The following SLC24A2 variants were observed in gnomAD, a reference collection of about 807,000 sequenced individuals.
SLC24A2 encodes the protein solute carrier family 24 member 2.
SLC24A2 carries 36 observed loss-of-function variants against 62.0 expected under a neutral mutation model. The ratio of observed to expected loss-of-function variants is 0.58; its 90% CI spans 0.44 to 0.77. SLC24A2 has a LOEUF of 0.77. SLC24A2 is among the 30% of genes least tolerant of loss of function. The pLI is 0.00. For synonymous variants in SLC24A2, 358 were observed against 294.0 expected, an observed-to-expected ratio of 1.22 and a Z score of -2.23; for missense variants, 846 against 817.9, an observed-to-expected ratio of 1.03 and a Z score of -0.42.
At chr9:20,305,737 C>T in the SLC24A2 span, among the ~76,000 whole-genome samples, 1 of 152,190 alleles carries the variant, frequency 6.6e-6, no homozygotes, top group African/African-American at 2.4e-5. Context: ...AGATGTCAAG[C>T]AATTAACCAA....
At chr9:20,056,218 C>T in the SLC24A2 span, among the ~76,000 whole-genome samples, 1 of 152,036 alleles carries the variant, frequency 6.6e-6, no homozygotes, top group African/African-American at 2.4e-5. Flanking sequence ...AAATTGAGCA[C>T]TGTGTGTGTG....
At chr9:20,233,912 G>T in the SLC24A2 span, among the ~76,000 whole-genome samples, 3 of 152,226 alleles carry the variant, frequency 2.0e-5, no homozygotes, top group East Asian at 3.9e-4. Context: ...GCTCTTTTAG[G>T]GCAGGCCTGG....
At chr9:19,533,558 T>C (rs1162789260) in intron 8 of SLC24A2, among the ~76,000 whole-genome samples, 2 of 152,230 alleles carry the variant, frequency 1.3e-5, no homozygotes, top group African/African-American at 4.8e-5. Flanking sequence ...CTCGGCACTT[T>C]GCCATTATGT....
chr9:19,598,632 A>C (rs1836767110), intron 4 of SLC24A2, among the ~76,000 whole-genome samples: 1 of 151,882 alleles, frequency 6.6e-6, no homozygotes, highest in Admixed American at 6.6e-5. Flanking sequence ...TTTTTTCATG[A>C]CTTCTGGGGA....
intron 2 of SLC24A2, among the ~76,000 whole-genome samples, chr9:19,708,921 T>G: frequency 6.6e-6 from 1 of 151,946 alleles, no homozygotes; most frequent in East Asian, 1.9e-4. Context: ...CTAATTAAAC[T>G]AAAGAGCTTC....
At chr9:19,630,683 A>G (rs1421279412) in intron 2 of SLC24A2, among the ~76,000 whole-genome samples, 1 of 152,200 alleles carries the variant, frequency 6.6e-6, no homozygotes, top group Non-Finnish European at 1.5e-5. Flanking sequence ...TAGGCAAAAA[A>G]ATAGAGATGC....
chr9:19,631,297 C>A (rs1477164810), intron 2 of SLC24A2, among the ~76,000 whole-genome samples: 1 of 152,194 alleles, frequency 6.6e-6, no homozygotes, highest in Admixed American at 6.5e-5. Context: ...AATTGTGTCA[C>A]TTTCCTCCTG....
At chr9:19,728,985 G>C (rs1411671731) in intron 2 of SLC24A2, among the ~76,000 whole-genome samples, 3 of 152,128 alleles carry the variant, frequency 2.0e-5, no homozygotes, top group Non-Finnish European at 4.4e-5. Flanking sequence ...GGCCATATTT[G>C]ACTTACTCAT....
the SLC24A2 span, among the ~76,000 whole-genome samples, chr9:19,816,303 G>C: frequency 6.6e-6 from 1 of 152,054 alleles, no homozygotes; most frequent in Non-Finnish European, 1.5e-5. Flanking sequence ...GCAGGGGAAA[G>C]AAAGATAAAG....
At chr9:20,143,314 A>G in the SLC24A2 span, among the ~76,000 whole-genome samples, 1 of 152,226 alleles carries the variant, frequency 6.6e-6, no homozygotes, top group South Asian at 2.1e-4. Flanking sequence ...GCCATAGAGA[A>G]AAGAGGAGAA....
the SLC24A2 span, among the ~76,000 whole-genome samples, chr9:19,871,896 A>G: frequency 6.6e-6 from 1 of 152,142 alleles, no homozygotes; most frequent in Non-Finnish European, 1.5e-5. Flanking sequence ...TGGTGGTAAA[A>G]ACTACTTACA....
the SLC24A2 span, among the ~76,000 whole-genome samples, chr9:20,184,134 G>A: frequency 1.3e-5 from 2 of 152,178 alleles, no homozygotes; most frequent in Non-Finnish European, 2.9e-5. Context: ...CTCAAAAGGA[G>A]ACATACAAAT....
At chr9:20,026,416 A>G in the SLC24A2 span, among the ~76,000 whole-genome samples, 1 of 152,220 alleles carries the variant, frequency 6.6e-6, no homozygotes, top group Non-Finnish European at 1.5e-5. Flanking sequence ...AATTGGAGCT[A>G]TTATTAGCTA....
At chr9:19,547,194 C>T (rs73426210) in intron 8 of SLC24A2, among the ~76,000 whole-genome samples, 1 of 152,050 alleles carries the variant, frequency 6.6e-6, no homozygotes, top group African/African-American at 2.4e-5. Context: ...AGTGTTCTTC[C>T]TAAGAGTCTT....
intron 2 of SLC24A2, among the ~76,000 whole-genome samples, chr9:19,738,078 GA>G (rs1189192348): frequency 1.3e-5 from 2 of 152,104 alleles, no homozygotes; most frequent in African/African-American, 2.4e-5. Flanking sequence ...GATGAGTGAG[GA>G]AAAAAAGCTC....
At chr9:20,157,908 A>G in the SLC24A2 span, among the ~76,000 whole-genome samples, 1 of 151,646 alleles carries the variant, frequency 6.6e-6, no homozygotes, top group African/African-American at 2.4e-5. Flanking sequence ...AATATCTATG[A>G]ATCAAATCTA....
At chr9:20,296,198 G>C in the SLC24A2 span, among the ~76,000 whole-genome samples, 1 of 152,330 alleles carries the variant, frequency 6.6e-6, no homozygotes, top group East Asian at 1.9e-4. Context: ...GAAATGTATA[G>C]ACCACAACTA....
chr9:20,306,459 T>C, the SLC24A2 span, among the ~76,000 whole-genome samples: 1 of 152,188 alleles, frequency 6.6e-6, no homozygotes, highest in Non-Finnish European at 1.5e-5. Flanking sequence ...GTTCCACAAA[T>C]AGAGAAAGAC....
At chr9:20,158,415 A>G in the SLC24A2 span, among the ~76,000 whole-genome samples, 1 of 151,608 alleles carries the variant, frequency 6.6e-6, no homozygotes, top group African/African-American at 2.4e-5. Context: ...TAGTGCTTTT[A>G]TAAAAGGGCT....
Sources: allele counts gnomAD v4.1 joint callset (sites outside exome capture counted in the v4.1 genomes callset), GRCh38; gene constraint gnomAD v4.1.1; transcripts MANE v1.5; gene names NCBI Gene and HGNC (gene_info 2026-07-23, HGNC 2026-07-21).